The following KIAA1217 variants were observed in gnomAD, a reference collection of about 807,000 sequenced individuals.
KIAA1217 encodes the protein sickle tail protein homolog.
A neutral mutation model predicts 163.9 loss-of-function variants in KIAA1217; 88 were observed. That is an observed-to-expected ratio of 0.54 (90% CI 0.45 to 0.64). The LOEUF is 0.64. KIAA1217 is among the 30% of genes least tolerant of loss of function. The pLI, the probability that KIAA1217 is intolerant of heterozygous loss-of-function variation, is 0.00. For missense variants in KIAA1217, 2,372 were observed against 2,475.0 expected, an observed-to-expected ratio of 0.96 and a Z score of 0.88; for synonymous variants, 903 against 923.1, an observed-to-expected ratio of 0.98 and a Z score of 0.39.
chr10:24,309,614 T>G (rs138236433), intron 2 of KIAA1217, among the ~76,000 whole-genome samples: 1 of 152,160 alleles, frequency 6.6e-6, no homozygotes, highest in Non-Finnish European at 1.5e-5. Context: ...TACAAAATCA[T>G]CGTAGTCTTG....
At chr10:24,207,457 T>G (rs1281021871), upstream of KIAA1217, among the ~76,000 whole-genome samples, 1 of 152,176 alleles carries the variant, frequency 6.6e-6, no homozygotes, top group Middle Eastern at 3.2e-3. Flanking sequence ...ATTTTGCACC[T>G]AAGGAAATAA....
chr10:24,068,100 C>T lies in KIAA1217; in HGVS notation c.-171+60726C>T, dbSNP rs192702598. ...GACCCCTTGTGCTTCCCGGGTGAGG[C>T]GATGCCTCGCCTTGCTTCCGCTCAT... On this transcript the variant is annotated intron_variant, in intron 2 of 18. Coordinates refer to the KIAA1217 transcript ENST00000376462. 3.3e-3 allele frequency among the ~76,000 whole-genome samples: 507 copies of T among 152,316 alleles called. 7 individuals are homozygous for T. Among genetic ancestry groups the T allele is most frequent in the Non-Finnish European group, 2.8e-3 (189 of 68,024 alleles).
chr10:23,973,988 T>C (rs1845432054), intron 1 of KIAA1217, among the ~76,000 whole-genome samples: 1 of 152,014 alleles, frequency 6.6e-6, no homozygotes, highest in African/African-American at 2.4e-5. Context: ...ATGTTGAAAA[T>C]GGAAAAGGAT....
At chr10:23,833,387 G>T (rs1838300815) in intron 1 of KIAA1217, among the ~76,000 whole-genome samples, 1 of 151,818 alleles carries the variant, frequency 6.6e-6, no homozygotes, top group Non-Finnish European at 1.5e-5. Context: ...GGAGGCTGAG[G>T]CAGGAGAATT....
At chr10:24,293,746 T>C (rs573626948) in intron 2 of KIAA1217, among the ~76,000 whole-genome samples, 19 of 152,334 alleles carry the variant, frequency 1.2e-4, no homozygotes, top group Admixed American at 1.2e-3. Flanking sequence ...ATAGCTTCTC[T>C]CTACTGACTA....
intron 1 of KIAA1217, among the ~76,000 whole-genome samples, chr10:23,970,341 G>A (rs1421488425): frequency 6.6e-6 from 1 of 152,122 alleles, no homozygotes; most frequent in African/African-American, 2.4e-5. Flanking sequence ...TTTGCTATCT[G>A]GAGGAACCTG....
chr10:24,227,003 G>T (rs1178866955), intron 2 of KIAA1217, among the ~76,000 whole-genome samples: 1 of 151,922 alleles, frequency 6.6e-6, no homozygotes, highest in African/African-American at 2.4e-5. Context: ...AACTTACTTG[G>T]TATATAGAAT....
At position 24,260,553 on chromosome 10, in the gene KIAA1217, G is replaced by A. The variant is rs369152058; in HGVS notation, c.354+40644G>A. Among the ~76,000 whole-genome samples the A allele has an allele frequency of 5.9e-5, 8 of 136,748 alleles. No individual in the cohort carries two copies. The South Asian group carries it at 9.3e-4, about 16-fold the overall frequency. 89.7% of individuals were successfully genotyped at this position (136,748 alleles called of 152,430 possible). ...TCAATTGAGTCCAGAAGCTCGAGAC[G>A]ATCCTGGGCAACTTTGTGAGACCTC... On this transcript the variant is annotated intron_variant, in intron 2 of 20. Transcript: ENST00000376454.
intron 1 of KIAA1217, among the ~76,000 whole-genome samples, chr10:23,794,429 C>T (rs1225806509): frequency 1.3e-5 from 2 of 152,210 alleles, no homozygotes; most frequent in Non-Finnish European, 2.9e-5. Flanking sequence ...CTAAGCAAAG[C>T]TCAAGTTTTC....
At chr10:24,156,453 G>T (rs1398748538) in intron 2 of KIAA1217, among the ~76,000 whole-genome samples, 1 of 152,186 alleles carries the variant, frequency 6.6e-6, no homozygotes. Context: ...TCTATATAGA[G>T]ATAGAATTCT....
chr10:24,528,896 A>G (rs572443285), intron 14 of KIAA1217, among the ~76,000 whole-genome samples: 3 of 152,210 alleles, frequency 2.0e-5, no homozygotes, highest in African/African-American at 4.8e-5. Context: ...TAGAATATGT[A>G]TTTAACCAAC....
At chr10:24,237,777 C>T (rs1331189924) in intron 2 of KIAA1217, among the ~76,000 whole-genome samples, 5 of 152,186 alleles carry the variant, frequency 3.3e-5, no homozygotes, top group African/African-American at 1.2e-4. Context: ...TTTCATCTCA[C>T]AGAGACATTA....
At chr10:24,495,766 AG>A (rs2066709239) in intron 8 of KIAA1217, among the ~76,000 whole-genome samples, 1 of 152,238 alleles carries the variant, frequency 6.6e-6, no homozygotes, top group East Asian at 1.9e-4. Context: ...GAGAAGGGAC[AG>A]TAGCCAATAA....
chr10:24,109,487 T>G (rs1368012895), intron 2 of KIAA1217, among the ~76,000 whole-genome samples: 1 of 152,134 alleles, frequency 6.6e-6, no homozygotes, highest in Non-Finnish European at 1.5e-5. Flanking sequence ...CTGTCAATAA[T>G]TCTCTATGTG....
Position 24,380,918 on chromosome 10 carries a change from AC to A in KIAA1217, c.407del (p.Pro136ArgfsTer38). The A allele has an allele frequency of 6.2e-7, 1 of 1,604,884 alleles. No homozygotes were observed. The highest frequency in any genetic ancestry group is 1.1e-5 in the South Asian group (1 of 89,798). On this transcript the variant is annotated frameshift_variant, in exon 3 of 21. Transcript: ENST00000376454. LOFTEE classifies it high-confidence loss of function. ...AGTCCTCAACCACCCAGTCTGGGTG[AC>A]CCGGTCGAGCATTTATCAGAGACGT... ...SHSPQPPSLG[D>X]PVEHLSETSA...
chr10:24,545,627 C>T, intron 20 of KIAA1217, 200 bp from the exon 21 acceptor site: 1 of 1,387,952 alleles, frequency 7.2e-7, no homozygotes, highest in Non-Finnish European at 9.3e-7. Context: ...TTCCTCCTTT[C>T]CCGTCCATCC....
chr10:24,468,034 C>G (rs765095690), intron 5 of KIAA1217, among the ~76,000 whole-genome samples: 1 of 152,138 alleles, frequency 6.6e-6, no homozygotes, highest in African/African-American at 2.4e-5. Context: ...AGTAAGAATA[C>G]CCGCAGCAAA....
intron 2 of KIAA1217, among the ~76,000 whole-genome samples, chr10:24,271,360 A>G (rs2076753443): frequency 1.3e-5 from 2 of 152,156 alleles, no homozygotes; most frequent in Non-Finnish European, 2.9e-5. Flanking sequence ...CCAACATGCT[A>G]TCTGAATCTT....
intron 1 of KIAA1217, among the ~76,000 whole-genome samples, chr10:23,817,839 C>T (rs1837379439): frequency 6.6e-6 from 1 of 150,480 alleles, no homozygotes; most frequent in African/African-American, 2.4e-5. Context: ...CTTGTAATCC[C>T]AACATTTTGG....
Sources: allele counts gnomAD v4.1 joint callset (sites outside exome capture counted in the v4.1 genomes callset), GRCh38; gene constraint gnomAD v4.1.1; transcripts MANE v1.5; gene names NCBI Gene and HGNC (gene_info 2026-07-23, HGNC 2026-07-21).